Variants in ZNF182 observed in about 807,000 individuals in gnomAD.
ZNF182 encodes zinc finger protein 182.
Under a neutral mutation model 28.1 loss-of-function variants are expected in ZNF182, and 10 were observed. The observed-to-expected ratio is 0.36, with a 90% CI of 0.22 to 0.60. The LOEUF (loss-of-function observed/expected upper bound fraction) is 0.60. Ranked by LOEUF, ZNF182 falls within the 20% of genes least tolerant of loss-of-function variation. The pLI, the probability that ZNF182 is intolerant of heterozygous loss-of-function variation, is 0.75. For missense variants in ZNF182, 352 were observed against 453.2 expected, an observed-to-expected ratio of 0.78 and a Z score of 2.03; for synonymous variants, 156 against 158.7, an observed-to-expected ratio of 0.98 and a Z score of 0.13.
chrX:47,991,795 G>A, intron 3 of ZNF182, among the ~76,000 whole-genome samples: 1 of 110,804 alleles, frequency 9.0e-6, no homozygotes, highest in Admixed American at 9.6e-5. Flanking sequence ...ACAACGGAAG[G>A]CAACCCAGGC....
chrX:47,992,782 C>T (rs782105452), intron 3 of ZNF182, among the ~76,000 whole-genome samples: 49 of 111,601 alleles, frequency 4.4e-4, no homozygotes, highest in South Asian at 4.2e-3. Flanking sequence ...CACACCCAAA[C>T]CTAACTTCTC....
chrX:47,999,640 A>G (rs1346578092), intron 3 of ZNF182, among the ~76,000 whole-genome samples: 1 of 111,625 alleles, frequency 9.0e-6, no homozygotes, highest in Non-Finnish European at 1.9e-5. Context: ...CTAGCATTCA[A>G]CAACACTGTA....
intron 3 of ZNF182, among the ~76,000 whole-genome samples, chrX:47,997,880 G>C (rs782301414): frequency 1.8e-5 from 2 of 111,086 alleles, no homozygotes; most frequent in East Asian, 5.6e-4. Flanking sequence ...TATATGAAGG[G>C]AAACTGATGC....
chrX:47,983,064 C>T, intron 4 of ZNF182, 26 bp from the exon 5 acceptor site: 2 of 1,197,121 alleles, frequency 1.7e-6, no homozygotes, highest in Non-Finnish European at 2.3e-6. Context: ...GACAGTGATA[C>T]CTCCTTGGCT....
intron 3 of ZNF182, among the ~76,000 whole-genome samples, chrX:47,989,289 C>T (rs1556900140): frequency 9.1e-6 from 1 of 110,399 alleles, no homozygotes; most frequent in East Asian, 2.8e-4. Flanking sequence ...TAGCCAGGCG[C>T]AGTGGCTCAC....
chrX:47,976,165 C>A lies in ZNF182; in HGVS notation c.*2G>T. The A allele has an allele frequency of 8.7e-7, 1 of 1,143,494 alleles. No individual in the cohort carries two copies. Among genetic ancestry groups the A allele is most frequent in the Non-Finnish European group, 1.2e-6 (1 of 865,005 alleles). The allele number at this position is 1,143,494 out of a possible 1,213,427, so 94.2% of individuals were successfully genotyped here. The stretch of plus-strand genomic sequence containing the variant: ...CCATAATAGATACTGCTGATTAGCT[C>A]TCTAATGTGCCATGAACTTTGACTT... On this transcript the variant is annotated 3_prime_UTR_variant, in exon 6 of 6. Coordinates refer to ENST00000376943, the MANE Select transcript of ZNF182 (RefSeq NM_001007088.2).
intron 3 of ZNF182, among the ~76,000 whole-genome samples, chrX:47,988,938 T>A (rs1020510791): frequency 8.9e-6 from 1 of 112,162 alleles, no homozygotes; most frequent in Non-Finnish European, 1.9e-5. Context: ...CCCATCACAA[T>A]AACTGATTCA....
chrX:47,994,761 C>T (rs782182846), intron 3 of ZNF182, among the ~76,000 whole-genome samples: 1 of 110,931 alleles, frequency 9.0e-6, no homozygotes, highest in Non-Finnish European at 1.9e-5. Flanking sequence ...ACCTCAGCCT[C>T]CTGAGTAGCT....
intron 3 of ZNF182, among the ~76,000 whole-genome samples, chrX:47,984,782 G>A (rs1390682981): frequency 8.9e-6 from 1 of 111,884 alleles, no homozygotes; most frequent in Non-Finnish European, 1.9e-5. Flanking sequence ...AACTTTTATT[G>A]AGAATATATA....
At chrX:47,985,496 A>G (rs142343710) in intron 3 of ZNF182, among the ~76,000 whole-genome samples, 1,199 of 111,813 alleles carry the variant, frequency 0.011, 9 homozygotes, top group Middle Eastern at 0.046. Context: ...GTGACATGAA[A>G]GTGAACAACA....
intron 5 of ZNF182, among the ~76,000 whole-genome samples, chrX:47,978,215 G>A (rs781836268): frequency 3.6e-5 from 4 of 111,057 alleles, no homozygotes; most frequent in East Asian, 2.8e-4. Flanking sequence ...CTGCAAGCGC[G>A]AGCCACCACA....
intron 3 of ZNF182, among the ~76,000 whole-genome samples, chrX:47,989,317 C>T (rs1265920484): frequency 9.1e-6 from 1 of 109,828 alleles, no homozygotes; most frequent in Non-Finnish European, 1.9e-5. Context: ...ATCCCAGTTA[C>T]TTGGGAGGCT....
In ZNF182 at chrX:47,977,208, A is replaced by G. The variant is rs781827313; in HGVS notation, c.822T>C (p.Pro274=). 3.3e-6 allele frequency: 4 copies of G among 1,206,777 alleles called. No individual in the cohort carries two copies. The South Asian group carries it at 7.2e-5, about 22-fold the overall frequency. ...TTTCTCTGAAGGCTTTTCCACATTC[A>G]GGACACTCAAAGGGTCTCTCTCCTG... ...THTGERPFEC[P]ECGKAFREKS... Residue 274 remains proline, a synonymous_variant, in exon 6 of 6, where the codon CCT becomes CCC. Transcript: ENST00000376943.
At chrX:47,980,083 G>A (rs1324663436) in intron 5 of ZNF182, among the ~76,000 whole-genome samples, 1 of 111,500 alleles carries the variant, frequency 9.0e-6, no homozygotes, top group Non-Finnish European at 1.9e-5. Flanking sequence ...TAAAGAAAAT[G>A]TCATCTATTT....
chrX:48,000,135 CA>C (rs1247285996), intron 3 of ZNF182, among the ~76,000 whole-genome samples: 4 of 105,996 alleles, frequency 3.8e-5, no homozygotes, highest in East Asian at 2.9e-4. Flanking sequence ...GACTCCATCT[CA>C]AAAAAAAATT....
chrX:47,986,135 G>A (rs1556899782), intron 3 of ZNF182, among the ~76,000 whole-genome samples: 2 of 112,323 alleles, frequency 1.8e-5, no homozygotes, highest in African/African-American at 6.5e-5. Flanking sequence ...AGGAATGAAG[G>A]TTTGGGTCAC....
chrX:47,988,460 G>A (rs921915584), intron 3 of ZNF182: 24 of 408,998 alleles, frequency 5.9e-5, no homozygotes, highest in South Asian at 9.6e-5. Context: ...GACGAGATCC[G>A]GTTGTTAAAG....
rs782152840 is a variant in ZNF182, at chrX:47,991,470, A to G, written c.16-8059T>C. Among the ~76,000 whole-genome samples, 3 of 112,638 alleles carry G rather than the reference A, an allele frequency of 2.7e-5. No individual in the cohort carries two copies. The Admixed American group carries it at 2.8e-4, about 11-fold the overall frequency. ...CTGTTAAGAAGGAAAAGGTGACCAC[A>G]CTTTGGTTACTCATTTGATGAGTAT... is the stretch of plus-strand genomic sequence containing the variant. On this transcript the variant is annotated intron_variant, in intron 3 of 5. Coordinates refer to ENST00000376943, the MANE Select transcript of ZNF182 (RefSeq NM_001007088.2).
At chrX:47,997,621 C>T (rs1268214366) in intron 3 of ZNF182, among the ~76,000 whole-genome samples, 1 of 110,645 alleles carries the variant, frequency 9.0e-6, no homozygotes, top group African/African-American at 3.3e-5. Flanking sequence ...GGCAAAACCC[C>T]GTCTCTACTA....
Sources: gnomAD v4.1 joint callset for allele counts (sites outside exome capture counted in the v4.1 genomes callset) on GRCh38, gnomAD v4.1.1 for gene constraint, MANE v1.5 for transcripts, NCBI Gene and HGNC (gene_info 2026-07-23, HGNC 2026-07-21) for gene names.